The following DCC variants were observed in gnomAD, a reference collection of about 807,000 sequenced individuals.
DCC encodes netrin receptor DCC.
Under a neutral mutation model 172.5 loss-of-function variants are expected in DCC, and 58 were observed. The ratio of observed to expected loss-of-function variants is 0.34; its 90% CI spans 0.27 to 0.42. The LOEUF is 0.42. DCC is among the 10% of genes least tolerant of loss of function. The pLI, the probability that DCC is intolerant of heterozygous loss-of-function variation, is 1.00. For synonymous variants in DCC, 709 were observed against 644.5 expected (o/e 1.10, Z -1.52); for missense variants, 1,740 against 1,791.0 (o/e 0.97, Z 0.51).
chr18:53,416,112 T>C lies in DCC; in HGVS notation c.3131-12T>C. 6.2e-7 allele frequency: 1 copy of C among 1,603,506 alleles called. No individual in the cohort carries two copies. Among genetic ancestry groups the C allele is most frequent in the Non-Finnish European group, 8.5e-7 (1 of 1,170,474 alleles). ...TCAAAGTCTAATAATGTTATTTCTT[T>C]TTCCCCCGCAGTGGAACACCCTGAC... On this transcript the variant is annotated splice_polypyrimidine_tract_variant and intron_variant, in intron 20 of 28. Coordinates refer to ENST00000442544, the MANE Select transcript of DCC (RefSeq NM_005215.4).
chr18:53,320,866 A>G (rs1362094456), intron 13 of DCC, among the ~76,000 whole-genome samples: 2 of 152,212 alleles, frequency 1.3e-5, no homozygotes, highest in African/African-American at 4.8e-5. Context: ...ATATGTCTTC[A>G]TGGAGCTTCT....
chr18:52,427,843 C>T (rs58788212), intron 1 of DCC, among the ~76,000 whole-genome samples: 1,626 of 48,968 alleles, frequency 0.033, 59 homozygotes, highest in African/African-American at 0.091. Context: ...TTTCTTCCTT[C>T]CTTCCTTCCT....
chr18:52,990,603 C>CAA (rs1568231499), intron 5 of DCC, among the ~76,000 whole-genome samples: 1 of 136,088 alleles, frequency 7.3e-6, no homozygotes, highest in African/African-American at 2.7e-5. Context: ...CAAAAATGAT[C>CAA]AAAGAGATTG....
intron 9 of DCC, among the ~76,000 whole-genome samples, chr18:53,181,985 C>A (rs1053194562): frequency 3.9e-5 from 6 of 152,192 alleles, no homozygotes; most frequent in Non-Finnish European, 1.5e-5. Flanking sequence ...CAATGACAGC[C>A]ATGTCTATGC....
intron 1 of DCC, among the ~76,000 whole-genome samples, chr18:52,518,065 T>G (rs1183637296): frequency 6.6e-6 from 1 of 152,226 alleles, no homozygotes; most frequent in East Asian, 1.9e-4. Flanking sequence ...TGTTTTCCTG[T>G]AAACTGTGGT....
At chr18:53,303,228 ATATT>A (rs2057160997) in intron 12 of DCC, among the ~76,000 whole-genome samples, 1 of 152,148 alleles carries the variant, frequency 6.6e-6, no homozygotes, top group African/African-American at 2.4e-5. Context: ...TATTTATTGA[ATATT>A]TAATTTGTGC....
intron 1 of DCC, among the ~76,000 whole-genome samples, chr18:52,466,766 G>C (rs1382079428): frequency 6.6e-6 from 1 of 152,116 alleles, no homozygotes; most frequent in African/African-American, 2.4e-5. Flanking sequence ...CTAGCCTTTT[G>C]AGTTTCCATG....
At chr18:53,221,917 T>A (rs1409405920) in intron 12 of DCC, among the ~76,000 whole-genome samples, 2 of 152,148 alleles carry the variant, frequency 1.3e-5, no homozygotes, top group Non-Finnish European at 2.9e-5. Context: ...TTAGAAAATC[T>A]GCTGAAAAAG....
At chr18:53,377,352 T>TGA (rs59629030) in intron 15 of DCC, among the ~76,000 whole-genome samples, 24,357 of 136,982 alleles carry the variant, frequency 0.18, 2,366 homozygotes, top group South Asian at 0.28. Flanking sequence ...AAGATGCATT[T>TGA]GAGAGAGAGA....
chr18:52,810,430 T>C (rs1447433526), intron 2 of DCC, among the ~76,000 whole-genome samples: 1 of 152,198 alleles, frequency 6.6e-6, no homozygotes, highest in Non-Finnish European at 1.5e-5. Flanking sequence ...AATCTGGCAG[T>C]TCCTGAGCTA....
At chr18:53,361,571 G>C (rs1044379631) in intron 15 of DCC, among the ~76,000 whole-genome samples, 1 of 152,114 alleles carries the variant, frequency 6.6e-6, no homozygotes, top group Non-Finnish European at 1.5e-5. Flanking sequence ...TAGTCAAAGG[G>C]AATATTACCT....
At chr18:53,054,621 G>A (rs1405296646) in intron 5 of DCC, among the ~76,000 whole-genome samples, 1 of 151,828 alleles carries the variant, frequency 6.6e-6, no homozygotes, top group African/African-American at 2.4e-5. Context: ...GCTTAGTCTG[G>A]ATTTAGAAAG....
chr18:52,782,741 T>C (rs1013002275), intron 2 of DCC, among the ~76,000 whole-genome samples: 1 of 152,050 alleles, frequency 6.6e-6, no homozygotes, highest in Non-Finnish European at 1.5e-5. Context: ...CAACCTCTCT[T>C]GTTCCTCTCT....
At position 53,226,565 on chromosome 18, in the gene DCC, G is replaced by T. The variant is rs576183573; in HGVS notation, c.1911+10968G>T. ...AACCTTAAAAACTTAGGGTATTTTT[G>T]AATGTAATTCTGACTTTTCTTCAAT... On this transcript the variant is annotated intron_variant, in intron 12 of 28. Transcript: ENST00000442544. Among the ~76,000 whole-genome samples the T allele has an allele frequency of 3.0e-3, 461 of 152,058 alleles. 1 individual carries two copies. Among genetic ancestry groups the T allele is most frequent in the African/African-American group, 0.011 (448 of 41,492 alleles).
chr18:52,977,348 A>C (rs1347495224), intron 5 of DCC, among the ~76,000 whole-genome samples: 2 of 152,152 alleles, frequency 1.3e-5, no homozygotes, highest in Middle Eastern at 3.4e-3. Context: ...AGGGATTCTG[A>C]TTTATTTGGT....
At chr18:52,678,698 G>T (rs182318497) in intron 1 of DCC, among the ~76,000 whole-genome samples, 16 of 152,232 alleles carry the variant, frequency 1.1e-4, no homozygotes, top group African/African-American at 3.6e-4. Flanking sequence ...TGCACACACA[G>T]TCAGAAAAGT....
intron 5 of DCC, among the ~76,000 whole-genome samples, chr18:53,047,268 A>AAT (rs1316828025): frequency 5.6e-5 from 1 of 17,810 alleles, no homozygotes; most frequent in African/African-American, 5.0e-4. Flanking sequence ...ATATATATAT[A>AAT]TATATATATA....
In DCC at chr18:53,063,551, C is replaced by T. The variant is rs543633667; in HGVS notation, c.1140+92C>T. The T allele has an allele frequency of 5.5e-4, 574 of 1,045,942 alleles. 2 individuals are homozygous for T. The highest frequency in any genetic ancestry group is 3.3e-3 in the Middle Eastern group (14 of 4,206). 64.8% of individuals were successfully genotyped at this position (1,045,942 alleles called of 1,614,324 possible). A position where few individuals can be genotyped will look rare whatever the true frequency, so the allele number is the denominator to read the frequency against. On this transcript the variant is annotated intron_variant, in intron 6 of 28. Coordinates refer to ENST00000442544, the MANE Select transcript of DCC (RefSeq NM_005215.4). Reference sequence around the variant, plus strand: ...TTATTTCTTGAAAAAAAAAAAGGTTCCTGTTGGAGATTTTTTGTGATGTGT... The same window carrying T: ...TTATTTCTTGAAAAAAAAAAAGGTTTCTGTTGGAGATTTTTTGTGATGTGT...
At chr18:52,469,403 G>T (rs1177616679) in intron 1 of DCC, among the ~76,000 whole-genome samples, 1 of 152,082 alleles carries the variant, frequency 6.6e-6, no homozygotes, top group Non-Finnish European at 1.5e-5. Context: ...TCTCCTAATG[G>T]TGTTGCTATT....
Sources: allele counts gnomAD v4.1 joint callset (sites outside exome capture counted in the v4.1 genomes callset), GRCh38; gene constraint gnomAD v4.1.1; transcripts MANE v1.5; gene names NCBI Gene and HGNC (gene_info 2026-07-23, HGNC 2026-07-21).